DCDC2: variants seen among roughly 807,000 people sequenced by gnomAD.
The protein encoded by DCDC2 is doublecortin domain-containing protein 2.
In DCDC2, 40 loss-of-function variants were observed where a neutral mutation model predicts 50.2. That is an observed-to-expected ratio of 0.80 (90% CI 0.62 to 1.04). DCDC2 has a LOEUF of 1.04. DCDC2 is among the 50% of genes least tolerant of loss of function. The probability of loss-of-function intolerance (pLI) is 0.00; values close to 1 mark genes in which losing one functional copy is unlikely to be tolerated. For synonymous variants in DCDC2, 234 were observed against 210.6 expected, an observed-to-expected ratio of 1.11 and a Z score of -0.96; for missense variants, 570 against 581.9, an observed-to-expected ratio of 0.98 and a Z score of 0.21.
chr6:24,309,974 A>G (rs937563499), intron 2 of DCDC2, among the ~76,000 whole-genome samples: 10 of 152,172 alleles, frequency 6.6e-5, no homozygotes, highest in African/African-American at 2.4e-4. Context: ...TTAAAAAAAT[A>G]ATAATTAAAA....
rs182684079 is a variant in DCDC2, at chr6:24,340,758, C to T, written c.348+12811G>A. 1.1e-4 allele frequency among the ~76,000 whole-genome samples: 17 copies of T among 152,312 alleles called. No homozygotes were observed. The East Asian group carries it at 2.1e-3, about 19-fold the overall frequency. ...TTTGTTTTTTTGAGACAATGTCTCA[C>T]TCTGTCGCCCAGACTGGAGTGCAGT... On this transcript the variant is annotated intron_variant, in intron 2 of 9. Transcript: ENST00000378454.
chr6:24,366,390 T>C, the DCDC2 span, among the ~76,000 whole-genome samples: 1 of 152,224 alleles, frequency 6.6e-6, no homozygotes, highest in Non-Finnish European at 1.5e-5. Flanking sequence ...GAAAAAACTT[T>C]CAGTTTACTA....
chr6:24,328,392 A>G (rs753865888), intron 2 of DCDC2, among the ~76,000 whole-genome samples: 2 of 152,266 alleles, frequency 1.3e-5, no homozygotes, highest in East Asian at 1.9e-4. Context: ...TGCAAGGCTT[A>G]TAAGTTCAAC....
In DCDC2 at chr6:24,205,063, G is replaced by A. The variant is rs1384002223; in HGVS notation, c.962C>T (p.Thr321Ile). 6.2e-7 allele frequency: 1 copy of A among 1,614,058 alleles called. No homozygotes were observed. Among genetic ancestry groups the A allele is most frequent in the South Asian group, 1.1e-5 (1 of 91,074 alleles). ...IFKAGAERSE[T>I]RGAAEVQEDE... ...TTCTTGGACTTCTGCTGCCCCCCGT[G>A]TTTCAGACCTCTCTGCTCCAGCTTT... The change falls in exon 8 of 10, where the codon ACA becomes ATA. Residue 321 changes from threonine to isoleucine, a missense_variant. Coordinates refer to ENST00000378454, the MANE Select transcript of DCDC2 (RefSeq NM_016356.5).
At chr6:24,307,647 A>G (rs1194964318) in intron 2 of DCDC2, among the ~76,000 whole-genome samples, 3 of 152,244 alleles carry the variant, frequency 2.0e-5, no homozygotes, top group African/African-American at 7.2e-5. Context: ...ATAAATGAGA[A>G]GGGCCAAAGG....
At chr6:24,200,070 A>T (rs1761551121) in intron 8 of DCDC2, among the ~76,000 whole-genome samples, 1 of 152,240 alleles carries the variant, frequency 6.6e-6, no homozygotes, top group Non-Finnish European at 1.5e-5. Flanking sequence ...AATGAAACCA[A>T]GTTAGAAAAC....
Position 24,172,870 on chromosome 6 carries a change from C to G in DCDC2, c.*1860G>C, listed in dbSNP as rs1760813679. On this transcript the variant is annotated 3_prime_UTR_variant, in exon 10 of 10. Coordinates refer to ENST00000378454, the MANE Select transcript of DCDC2 (RefSeq NM_016356.5). ...ATTAGCCAGGTGTGGTGGCAGATGC[C>G]TGTAATCCCAGCTACTCGGGAGGCT... 1 of 151,930 alleles carries G rather than the reference C, an allele frequency of 6.6e-6. No individual in the cohort carries two copies. The highest frequency in any genetic ancestry group is 2.4e-5 in the African/African-American group (1 of 41,336). The allele number at this position is 151,930 out of a possible 1,614,324, so 9.4% of individuals were successfully genotyped here.
intron 7 of DCDC2, among the ~76,000 whole-genome samples, chr6:24,224,940 C>A (rs1375099965): frequency 6.6e-6 from 1 of 152,154 alleles, no homozygotes; most frequent in Non-Finnish European, 1.5e-5. Flanking sequence ...ATCTTTATAT[C>A]CTTAGCATCT....
At chr6:24,267,740 C>A (rs779184181) in intron 7 of DCDC2, among the ~76,000 whole-genome samples, 1 of 152,132 alleles carries the variant, frequency 6.6e-6, no homozygotes, top group Admixed American at 6.5e-5. Flanking sequence ...AAGAGAACAA[C>A]CTTTGCAGGC....
At chr6:24,371,583 G>T in the DCDC2 span, among the ~76,000 whole-genome samples, 1 of 152,140 alleles carries the variant, frequency 6.6e-6, no homozygotes, top group Admixed American at 6.5e-5. Flanking sequence ...TCCGGCCTGG[G>T]TGACAGAGTG....
intron 7 of DCDC2, among the ~76,000 whole-genome samples, chr6:24,247,368 A>C (rs902925330): frequency 6.6e-5 from 10 of 151,922 alleles, no homozygotes; most frequent in Non-Finnish European, 1.0e-4. Context: ...GCAAATACCC[A>C]TAACTTGGGG....
At chr6:24,286,561 C>G (rs1763613311) in intron 6 of DCDC2, among the ~76,000 whole-genome samples, 1 of 151,120 alleles carries the variant, frequency 6.6e-6, no homozygotes, top group South Asian at 2.1e-4. Flanking sequence ...CCACTGTACA[C>G]CACCCTGGGT....
chr6:24,246,361 T>C (rs1487972377), intron 7 of DCDC2, among the ~76,000 whole-genome samples: 1 of 151,052 alleles, frequency 6.6e-6, no homozygotes, highest in Non-Finnish European at 1.5e-5. Context: ...GGTAAAATTT[T>C]AGAGAAAATA....
intron 2 of DCDC2, among the ~76,000 whole-genome samples, chr6:24,333,154 T>C (rs972816788): frequency 7.2e-5 from 11 of 152,018 alleles, no homozygotes; most frequent in African/African-American, 2.2e-4. Context: ...GGCCCTGAGA[T>C]AAGAGGTAGC....
intron 7 of DCDC2, among the ~76,000 whole-genome samples, chr6:24,227,110 G>T (rs1315516540): frequency 6.6e-6 from 1 of 152,156 alleles, no homozygotes; most frequent in Non-Finnish European, 1.5e-5. Context: ...CAGCAGACGG[G>T]AGTATGACAA....
At chr6:24,232,073 T>C (rs1210091562) in intron 7 of DCDC2, among the ~76,000 whole-genome samples, 1 of 152,030 alleles carries the variant, frequency 6.6e-6, no homozygotes. Context: ...ATTTTGTTGA[T>C]GGAGTAGTTT....
chr6:24,334,982 G>A (rs1384499417), intron 2 of DCDC2, among the ~76,000 whole-genome samples: 1 of 152,118 alleles, frequency 6.6e-6, no homozygotes, highest in Non-Finnish European at 1.5e-5. Flanking sequence ...ACAATCAATG[G>A]ATTTTATGAT....
chr6:24,215,975 C>A (rs6942057), intron 7 of DCDC2, among the ~76,000 whole-genome samples: 1 of 152,186 alleles, frequency 6.6e-6, no homozygotes, highest in Non-Finnish European at 1.5e-5. Flanking sequence ...TTGTCTACAT[C>A]GTTAACAGTG....
chr6:24,275,161 G>A (rs900756975), intron 7 of DCDC2, among the ~76,000 whole-genome samples: 1 of 151,942 alleles, frequency 6.6e-6, no homozygotes, highest in African/African-American at 2.4e-5. Flanking sequence ...GCACGTACTT[G>A]GTTCTAATTA....
Sources: allele counts gnomAD v4.1 joint callset (sites outside exome capture counted in the v4.1 genomes callset), GRCh38; gene constraint gnomAD v4.1.1; transcripts MANE v1.5; gene names NCBI Gene and HGNC (gene_info 2026-07-23, HGNC 2026-07-21).